The following FEZ2 variants were observed in gnomAD, a reference collection of about 807,000 sequenced individuals.
The protein encoded by FEZ2 is fasciculation and elongation protein zeta 2, also known as fasciculation and elongation protein zeta-2.
In FEZ2, 51 loss-of-function variants were observed where a neutral mutation model predicts 40.4. That is an observed-to-expected ratio of 1.26 (90% CI 1.01 to 1.59). The LOEUF is 1.59. Among genes scored for constraint, FEZ2 ranks in the 40% most tolerant of loss-of-function variants. FEZ2 has a pLI of 0.00. For synonymous variants in FEZ2, 242 were observed against 172.0 expected (o/e 1.41, Z -3.18); for missense variants, 640 against 438.3 (o/e 1.46, Z -4.11).
rs1356024730 is a variant in FEZ2, at chr2:36,597,888, C to T, written c.255G>A (p.Leu85=). 7 of 1,383,364 alleles carry T rather than the reference C, an allele frequency of 5.1e-6. No homozygotes were observed. The Admixed American group carries it at 1.1e-4, about 21-fold the overall frequency. The allele number at this position is 1,383,364 out of a possible 1,614,324, so 85.7% of individuals were successfully genotyped here. A position where few individuals can be genotyped will look rare whatever the true frequency, so the allele number is the denominator to read the frequency against. ...AVRPITERSL[L]QGDEIWNALT... ...GGCCCCGCACTCACTCGTCCCCCTG[C>T]AGGAGGCTGCGCTCCGTGATGGGCC... The change falls in exon 1 of 8, where the codon CTG becomes CTA. Residue 85 remains leucine, a synonymous_variant. Transcript: ENST00000405912.
intron 5 of FEZ2, among the ~76,000 whole-genome samples, chr2:36,566,743 G>A (rs939476901): frequency 1.3e-5 from 2 of 152,148 alleles, no homozygotes; most frequent in Non-Finnish European, 1.5e-5. Flanking sequence ...CGAAGATCTG[G>A]GTTCTTTCCC....
intron 3 of FEZ2, 40 bp downstream of exon 3, chr2:36,583,313 G>C (rs772155500): frequency 2.3e-5 from 23 of 1,010,886 alleles, no homozygotes; most frequent in African/African-American, 3.2e-5. Context: ...TTCAGCTCTA[G>C]AGTCTCCTTT....
rs1669263055 is a variant in FEZ2, at chr2:36,597,563, CCCCA to C, written c.266+310_266+313del. Among the ~76,000 whole-genome samples the C allele has an allele frequency of 2.0e-5, 3 of 152,080 alleles. No individual in the cohort carries two copies. In the East Asian group the frequency reaches 5.8e-4, roughly 30 times the overall value. On this transcript the variant is annotated intron_variant, in intron 1 of 7. Coordinates refer to ENST00000405912, the MANE Select transcript of FEZ2 (RefSeq NM_005102.3). The stretch of plus-strand genomic sequence containing the variant: ...GGCGACACACGTGCCCCAGGAGGTG[CCCCA>C]GGAGGTGCCGTCTCTAACTATGGGC...
intron 4 of FEZ2, among the ~76,000 whole-genome samples, chr2:36,579,383 T>C (rs1403583588): frequency 6.6e-6 from 1 of 152,220 alleles, no homozygotes; most frequent in Non-Finnish European, 1.5e-5. Context: ...GGTTTGTATC[T>C]GTGTCCCCAC....
intron 1 of FEZ2, among the ~76,000 whole-genome samples, chr2:36,594,215 C>T (rs1466060505): frequency 6.6e-6 from 1 of 152,084 alleles, no homozygotes; most frequent in Non-Finnish European, 1.5e-5. Flanking sequence ...AACTTTCCCA[C>T]ATTTTCCTGT....
chr2:36,580,045 G>C (rs750336315), intron 4 of FEZ2, among the ~76,000 whole-genome samples: 2 of 152,148 alleles, frequency 1.3e-5, no homozygotes, highest in Non-Finnish European at 2.9e-5. Context: ...GTCAAGGAGA[G>C]AGGCCTCTGA....
At chr2:36,588,107 C>T (rs1304526559) in intron 2 of FEZ2, among the ~76,000 whole-genome samples, 3 of 152,102 alleles carry the variant, frequency 2.0e-5, no homozygotes, top group Non-Finnish European at 4.4e-5. Flanking sequence ...CGGCGCACTG[C>T]AACCTCTGCC....
chr2:36,581,669 G>A (rs922132842), intron 3 of FEZ2: 16 of 424,792 alleles, frequency 3.8e-5, no homozygotes, highest in East Asian at 8.8e-5. Context: ...GATTTACTAC[G>A]TCCATCATGA....
At chr2:36,580,950 G>A (rs568209536) in intron 4 of FEZ2, among the ~76,000 whole-genome samples, 2 of 152,232 alleles carry the variant, frequency 1.3e-5, no homozygotes, top group Admixed American at 6.5e-5. Flanking sequence ...TCAGGAGTTC[G>A]AGACCAGCCT....
intron 2 of FEZ2, among the ~76,000 whole-genome samples, chr2:36,583,692 A>T (rs1668822605): frequency 1.3e-5 from 2 of 152,236 alleles, no homozygotes; most frequent in African/African-American, 4.8e-5. Context: ...ATGCTGCATA[A>T]GACTGCTATA....
chr2:36,556,063 G>A (rs1184361355), intron 6 of FEZ2: 3 of 519,420 alleles, frequency 5.8e-6, no homozygotes, highest in East Asian at 1.1e-4. Flanking sequence ...CCTTCGCTCT[G>A]TAATAATACC....
intron 5 of FEZ2, chr2:36,560,903 G>A (rs781218152): frequency 1.5e-6 from 2 of 1,342,732 alleles, no homozygotes; most frequent in East Asian, 2.4e-5. Flanking sequence ...GAAAAGGACA[G>A]AGAAAGAAGT....
At chr2:36,578,473 C>G in intron 5 of FEZ2, 124 bp downstream of exon 5, 1 of 1,021,524 alleles carries the variant, frequency 9.8e-7, no homozygotes, top group Non-Finnish European at 1.5e-6. Flanking sequence ...CCACTGGGCT[C>G]TGATTAGAAG....
At chr2:36,556,006 C>T (rs1667950700) in intron 6 of FEZ2, 2 of 603,182 alleles carry the variant, frequency 3.3e-6, no homozygotes, top group Non-Finnish European at 6.4e-6. Context: ...TTTAAAATTT[C>T]CAAACAGTGG....
rs775834019 is a variant in FEZ2, at chr2:36,581,394, G to A, written c.530C>T (p.Pro177Leu). The A allele has an allele frequency of 2.8e-5, 45 of 1,612,944 alleles. No individual in the cohort carries two copies. The highest frequency in any genetic ancestry group is 6.7e-5 in the Admixed American group (4 of 59,974). ...EEIEEMMQESPDPEDDETPTQ... is the reference protein window; with the variant it reads ...EEIEEMMQESLDPEDDETPTQ... ...AGGGGTTTCATCATCTTCTGGGTCC[G>A]GTGATTCCTGCATCATTTCTTCAAT... is the stretch of plus-strand genomic sequence containing the variant. The change falls in exon 4 of 8, where the codon CCG (proline) becomes CTG (leucine). Residue 177 changes from proline (P) to leucine (L), a missense_variant. Coordinates refer to ENST00000405912, the MANE Select transcript of FEZ2 (RefSeq NM_005102.3).
chr2:36,586,253 A>C (rs1668895289), intron 2 of FEZ2, among the ~76,000 whole-genome samples: 2 of 152,188 alleles, frequency 1.3e-5, no homozygotes, highest in Admixed American at 1.3e-4. Flanking sequence ...CCCCCTTCCC[A>C]ATCACTCTTC....
intron 2 of FEZ2, among the ~76,000 whole-genome samples, chr2:36,587,586 A>C (rs1468851039): frequency 6.6e-6 from 1 of 152,236 alleles, no homozygotes; most frequent in East Asian, 1.9e-4. Flanking sequence ...GAAAAATTTA[A>C]AACTGCAATC....
intron 5 of FEZ2, among the ~76,000 whole-genome samples, chr2:36,567,219 T>A (rs1362677395): frequency 6.6e-6 from 1 of 151,638 alleles, no homozygotes; most frequent in Non-Finnish European, 1.5e-5. Context: ...GAGCCTATGA[T>A]CGTTTCACCA....
intron 5 of FEZ2, chr2:36,558,969 G>C (rs1668025872): frequency 6.6e-6 from 1 of 152,178 alleles, no homozygotes; most frequent in East Asian, 1.9e-4. Context: ...TTTTTATTCT[G>C]GTTGAACAAA....
Sources: gnomAD v4.1 joint callset for allele counts (sites outside exome capture counted in the v4.1 genomes callset) on GRCh38, gnomAD v4.1.1 for gene constraint, MANE v1.5 for transcripts, NCBI Gene and HGNC (gene_info 2026-07-23, HGNC 2026-07-21) for gene names.